Variants in GPATCH8 observed in about 807,000 individuals in gnomAD.
GPATCH8 encodes G patch domain-containing protein 8.
In GPATCH8, 18 loss-of-function variants were observed where a neutral mutation model predicts 118.3. That is an observed-to-expected ratio of 0.15 (90% CI 0.11 to 0.23). The LOEUF (loss-of-function observed/expected upper bound fraction) is 0.23. Among genes scored for constraint, GPATCH8 ranks in the 10% least tolerant of loss-of-function variants. The pLI is 1.00. For synonymous variants in GPATCH8, 659 were observed against 684.7 expected, an observed-to-expected ratio of 0.96 and a Z score of 0.59; for missense variants, 1,631 against 1,873.8, an observed-to-expected ratio of 0.87 and a Z score of 2.39.
chr17:44,428,274 C>T (rs891032251), intron 5 of GPATCH8, among the ~76,000 whole-genome samples: 4 of 151,874 alleles, frequency 2.6e-5, no homozygotes, highest in African/African-American at 9.7e-5. Flanking sequence ...GGGTGGATCA[C>T]CTGAGGTCAG....
At chr17:44,481,308 C>T (rs547023519) in intron 1 of GPATCH8, among the ~76,000 whole-genome samples, 4 of 152,242 alleles carry the variant, frequency 2.6e-5, no homozygotes, top group African/African-American at 4.8e-5. Context: ...TTTATTTGTA[C>T]GCTAGAAACT....
At chr17:44,425,014 T>C (rs1487235906) in intron 5 of GPATCH8, among the ~76,000 whole-genome samples, 1 of 115,474 alleles carries the variant, frequency 8.7e-6, no homozygotes, top group Non-Finnish European at 2.2e-5. Context: ...TGAGAGGAGG[T>C]TGGAGAAAAA....
intron 1 of GPATCH8, among the ~76,000 whole-genome samples, chr17:44,481,241 G>C (rs1352296689): frequency 6.6e-6 from 1 of 152,070 alleles, no homozygotes; most frequent in African/African-American, 2.4e-5. Flanking sequence ...ATTACTGATG[G>C]GAACATAAAA....
At chr17:44,412,952 T>G (rs1253683053) in intron 6 of GPATCH8, among the ~76,000 whole-genome samples, 1 of 152,150 alleles carries the variant, frequency 6.6e-6, no homozygotes, top group Non-Finnish European at 1.5e-5. Context: ...AATTCATGTC[T>G]CAGTGTTTGA....
At chr17:44,474,767 T>C (rs1374433283) in intron 2 of GPATCH8, 62 bp downstream of exon 2, 3 of 823,580 alleles carry the variant, frequency 3.6e-6, no homozygotes, top group Non-Finnish European at 4.3e-6. Context: ...TCACATCAAG[T>C]GTCACACGAA....
intron 6 of GPATCH8, among the ~76,000 whole-genome samples, chr17:44,413,564 C>G (rs1341853706): frequency 2.0e-5 from 3 of 152,198 alleles, no homozygotes; most frequent in African/African-American, 4.8e-5. Flanking sequence ...TCACTGCAAC[C>G]TCCCGAGTTC....
At chr17:44,480,787 C>T (rs1471028853) in intron 1 of GPATCH8, among the ~76,000 whole-genome samples, 4 of 152,030 alleles carry the variant, frequency 2.6e-5, no homozygotes, top group Non-Finnish European at 5.9e-5. Context: ...AGGAGAATCG[C>T]TTGAACCCGG....
At chr17:44,427,358 C>CA (rs1292506305) in intron 5 of GPATCH8, among the ~76,000 whole-genome samples, 1 of 151,820 alleles carries the variant, frequency 6.6e-6, no homozygotes, top group Non-Finnish European at 1.5e-5. Flanking sequence ...ATTCAAGAAA[C>CA]ACTGTTTGCA....
At chr17:44,406,897 G>T (rs2049253744) in intron 6 of GPATCH8, among the ~76,000 whole-genome samples, 1 of 152,146 alleles carries the variant, frequency 6.6e-6, no homozygotes, top group South Asian at 2.1e-4. Context: ...TGACACACTG[G>T]TGACAGAACC....
At chr17:44,428,764 A>C (rs2050182564) in intron 5 of GPATCH8, among the ~76,000 whole-genome samples, 1 of 151,902 alleles carries the variant, frequency 6.6e-6, no homozygotes, top group Non-Finnish European at 1.5e-5. Flanking sequence ...GATCACTGCC[A>C]CCGCACTTCT....
chr17:44,472,534 C>T (rs1598587675), intron 2 of GPATCH8, among the ~76,000 whole-genome samples: 1 of 152,082 alleles, frequency 6.6e-6, no homozygotes, highest in East Asian at 1.9e-4. Context: ...TACTAGGTTG[C>T]AAATTTCATC....
intron 1 of GPATCH8, among the ~76,000 whole-genome samples, chr17:44,498,278 C>T (rs1296544692): frequency 1.3e-5 from 2 of 152,138 alleles, no homozygotes; most frequent in African/African-American, 2.4e-5. Flanking sequence ...AAATAATACT[C>T]GGCATAATAC....
chr17:44,471,711 G>A (rs1331387337), intron 2 of GPATCH8, among the ~76,000 whole-genome samples: 2 of 152,080 alleles, frequency 1.3e-5, no homozygotes. Flanking sequence ...AATATAGCCA[G>A]CCAGCCATGT....
At chr17:44,426,522 T>C (rs1439105825) in intron 5 of GPATCH8, among the ~76,000 whole-genome samples, 1 of 148,440 alleles carries the variant, frequency 6.7e-6, no homozygotes, top group Non-Finnish European at 1.5e-5. Context: ...GAGGACCACT[T>C]GAGCCTGGGA....
At chr17:44,470,234 T>C (rs942040927) in intron 2 of GPATCH8, among the ~76,000 whole-genome samples, 4 of 152,234 alleles carry the variant, frequency 2.6e-5, no homozygotes, top group Admixed American at 6.5e-5. Context: ...TGTTTGTTTG[T>C]TTTTGGAGAT....
At chr17:44,414,079 A>ATATATG (rs908415895) in intron 6 of GPATCH8, among the ~76,000 whole-genome samples, 1 of 129,892 alleles carries the variant, frequency 7.7e-6, no homozygotes, top group African/African-American at 3.0e-5. Context: ...ATATATATAT[A>ATATATG]TGTGTGTGTA....
In GPATCH8 at chr17:44,398,228, T is replaced by C. The variant is rs770743763; in HGVS notation, c.3849A>G (p.Ala1283=). ...APDLEHFPSY[A]PPSGDPSIES... is the part of the protein sequence containing the mutation. ...CAATACTAGGATCCCCACTGGGAGG[T>C]GCATAACTGGGGAAATGCTCAAGGT... Residue 1283 remains alanine, a synonymous_variant, in exon 8 of 8, where the codon GCA becomes GCG. Coordinates refer to ENST00000591680, the MANE Select transcript of GPATCH8 (RefSeq NM_001002909.4). 8.7e-6 allele frequency: 14 copies of C among 1,612,810 alleles called. No homozygotes were observed. Among genetic ancestry groups the C allele is most frequent in the Admixed American group, 8.3e-5 (5 of 59,938 alleles).
rs1386218282 is a variant in GPATCH8 at position 44,396,535 on chromosome 17, C to T, written c.*1033G>A. On this transcript the variant is annotated 3_prime_UTR_variant, in exon 8 of 8. Coordinates refer to ENST00000591680, the MANE Select transcript of GPATCH8 (RefSeq NM_001002909.4). ...ACATAAGTTTGGTAAAATATACATGCTTAGTCAGTTTTGCATCTAGCAGAA... is the reference window on the plus strand; with the variant it reads ...ACATAAGTTTGGTAAAATATACATGTTTAGTCAGTTTTGCATCTAGCAGAA... The T allele has an allele frequency of 4.4e-6, 2 of 449,572 alleles. No individual in the cohort carries two copies. Among genetic ancestry groups the T allele is most frequent in the South Asian group, 3.2e-5 (2 of 63,436 alleles). 27.8% of individuals were successfully genotyped at this position (449,572 alleles called of 1,614,324 possible).
At chr17:44,419,699 C>T (rs1475647077) in intron 6 of GPATCH8, among the ~76,000 whole-genome samples, 19 of 151,094 alleles carry the variant, frequency 1.3e-4, no homozygotes, top group African/African-American at 4.6e-4. Flanking sequence ...CTTGCTCTGT[C>T]ACCCAGGCTG....
Sources: allele counts gnomAD v4.1 joint callset (sites outside exome capture counted in the v4.1 genomes callset), GRCh38; gene constraint gnomAD v4.1.1; transcripts MANE v1.5; gene names NCBI Gene and HGNC (gene_info 2026-07-23, HGNC 2026-07-21).